The following NRXN3 variants were observed in gnomAD, a reference collection of about 807,000 sequenced individuals.
NRXN3 encodes the protein neurexin 3.
Under a neutral mutation model 137.6 loss-of-function variants are expected in NRXN3, and 32 were observed. The ratio of observed to expected loss-of-function variants is 0.23; its 90% CI spans 0.18 to 0.31. The LOEUF is 0.31. Among genes scored for constraint, NRXN3 ranks in the 10% least tolerant of loss-of-function variants. The pLI, the probability that NRXN3 is intolerant of heterozygous loss-of-function variation, is 1.00. For missense variants in NRXN3, 1,574 were observed against 2,062.5 expected (o/e 0.76, Z 4.59); for synonymous variants, 798 against 784.5 (o/e 1.02, Z -0.29).
At chr14:79,660,938 A>G (rs1020758689) in intron 16 of NRXN3, among the ~76,000 whole-genome samples, 30 of 152,072 alleles carry the variant, frequency 2.0e-4, no homozygotes, top group Admixed American at 1.9e-3. Flanking sequence ...AGCCTAGCTT[A>G]TTTAGGCATG....
At chr14:79,414,865 C>T (rs1393627090) in intron 15 of NRXN3, among the ~76,000 whole-genome samples, 1 of 152,010 alleles carries the variant, frequency 6.6e-6, no homozygotes. Flanking sequence ...TCCCCATTTC[C>T]CCTATTTCCT....
intron 15 of NRXN3, among the ~76,000 whole-genome samples, chr14:79,096,856 C>T (rs1312212257): frequency 2.6e-5 from 4 of 152,104 alleles, no homozygotes; most frequent in Non-Finnish European, 5.9e-5. Context: ...TTCTTGATCT[C>T]TCATGTCGAC....
chr14:78,640,698 C>T (rs973360798), intron 4 of NRXN3, among the ~76,000 whole-genome samples: 7 of 152,118 alleles, frequency 4.6e-5, no homozygotes, highest in African/African-American at 1.7e-4. Context: ...ATATCTTATA[C>T]AAACTGATTT....
intron 19 of NRXN3, among the ~76,000 whole-genome samples, chr14:79,698,816 C>G (rs1420981129): frequency 6.6e-6 from 1 of 151,938 alleles, no homozygotes; most frequent in African/African-American, 2.4e-5. Flanking sequence ...GTCCTGTTTG[C>G]TTCTTTGTTT....
chr14:79,787,747 A>G (rs2099133571), intron 19 of NRXN3, among the ~76,000 whole-genome samples: 1 of 152,202 alleles, frequency 6.6e-6, no homozygotes, highest in Non-Finnish European at 1.5e-5. Flanking sequence ...TTAAAGGCTG[A>G]ATATTATTCC....
In NRXN3 at chr14:79,349,184, C is replaced by T. The variant is rs115524109; in HGVS notation, c.3263-118037C>T. ...AGTTTGTGCCAGATTTCAATTCCTA[C>T]GCTACAAGTTCTCCAGCAAACTAGA... On this transcript the variant is annotated intron_variant, in intron 15 of 20. Transcript: ENST00000335750. 6.4e-3 allele frequency among the ~76,000 whole-genome samples: 968 copies of T among 152,168 alleles called. 7 individuals carry two copies. The highest frequency in any genetic ancestry group is 0.022 in the African/African-American group (908 of 41,508).
intron 1 of NRXN3, among the ~76,000 whole-genome samples, chr14:78,191,594 G>A (rs10138043): frequency 0.33 from 49,609 of 152,054 alleles, 8,470 homozygotes; most frequent in African/African-American, 0.38. Flanking sequence ...TTGCTTGGCT[G>A]TGTGGCCAGA....
At chr14:78,473,401 CAAA>C (rs34856071) in intron 4 of NRXN3, among the ~76,000 whole-genome samples, 24 of 117,620 alleles carry the variant, frequency 2.0e-4, no homozygotes, top group East Asian at 2.4e-4. Flanking sequence ...GACTCTGTCT[CAAA>C]AAAAAAAAAA....
intron 16 of NRXN3, among the ~76,000 whole-genome samples, chr14:79,616,892 A>T (rs969224545): frequency 3.3e-5 from 5 of 152,128 alleles, no homozygotes; most frequent in African/African-American, 1.2e-4. Flanking sequence ...GTGTTATATC[A>T]CTTAGTTTGT....
intron 4 of NRXN3, among the ~76,000 whole-genome samples, chr14:78,579,431 T>G (rs1415513419): frequency 2.0e-5 from 3 of 152,114 alleles, no homozygotes; most frequent in Non-Finnish European, 4.4e-5. Context: ...ATTTCCAAGC[T>G]GTGTCTGAAT....
intron 8 of NRXN3, among the ~76,000 whole-genome samples, chr14:78,759,461 G>A (rs184754677): frequency 6.7e-4 from 102 of 152,312 alleles, no homozygotes; most frequent in Admixed American, 2.4e-3. Flanking sequence ...ACCATTGTAA[G>A]CAGAGGAGTA....
At chr14:79,067,704 G>T (rs992226209) in intron 15 of NRXN3, among the ~76,000 whole-genome samples, 2 of 151,898 alleles carry the variant, frequency 1.3e-5, no homozygotes, top group Non-Finnish European at 2.9e-5. Flanking sequence ...TATAAGGAAG[G>T]CAATCATGTT....
chr14:79,117,441 A>G (rs2054627480), intron 15 of NRXN3, among the ~76,000 whole-genome samples: 1 of 152,202 alleles, frequency 6.6e-6, no homozygotes, highest in Non-Finnish European at 1.5e-5. Flanking sequence ...GGTAAAAAGA[A>G]CCATGGATAT....
At chr14:78,450,318 A>C (rs1250929952) in intron 4 of NRXN3, among the ~76,000 whole-genome samples, 1 of 152,244 alleles carries the variant, frequency 6.6e-6, no homozygotes, top group African/African-American at 2.4e-5. Context: ...TAAACATTAC[A>C]AAGTGGAAAA....
intron 10 of NRXN3, among the ~76,000 whole-genome samples, chr14:78,826,076 A>G (rs892540585): frequency 5.9e-5 from 9 of 152,220 alleles, no homozygotes; most frequent in South Asian, 2.1e-4. Context: ...GTACCAGATA[A>G]TGTTTTCAAT....
intron 4 of NRXN3, among the ~76,000 whole-genome samples, chr14:78,509,918 C>T (rs1055000112): frequency 1.3e-5 from 2 of 151,958 alleles, no homozygotes; most frequent in Non-Finnish European, 2.9e-5. Context: ...ATTGTTAGTG[C>T]TCTTGAAAGT....
chr14:79,306,039 A>G (rs2085992729), intron 15 of NRXN3, among the ~76,000 whole-genome samples: 1 of 152,086 alleles, frequency 6.6e-6, no homozygotes, highest in Non-Finnish European at 1.5e-5. Flanking sequence ...GCTGGATGAA[A>G]ATGTGTGATG....
At chr14:79,718,683 A>G (rs1428576219) in intron 19 of NRXN3, among the ~76,000 whole-genome samples, 3 of 52,026 alleles carry the variant, frequency 5.8e-5, no homozygotes, top group Non-Finnish European at 1.5e-4. Flanking sequence ...GCTAAATCTC[A>G]AAACTTTAAA....
At chr14:79,767,650 CT>C (rs1451189468) in intron 19 of NRXN3, among the ~76,000 whole-genome samples, 1 of 152,188 alleles carries the variant, frequency 6.6e-6, no homozygotes, top group Non-Finnish European at 1.5e-5. Context: ...TATTAATTCA[CT>C]TAATTCTCAT....
Sources: gnomAD v4.1 joint callset for allele counts (sites outside exome capture counted in the v4.1 genomes callset) on GRCh38, gnomAD v4.1.1 for gene constraint, MANE v1.5 for transcripts, NCBI Gene and HGNC (gene_info 2026-07-23, HGNC 2026-07-21) for gene names.